P4HA1: variants seen among roughly 807,000 people sequenced by gnomAD.
The protein encoded by P4HA1 is prolyl 4-hydroxylase subunit alpha 1, also known as prolyl 4-hydroxylase subunit alpha-1.
In P4HA1, 24 loss-of-function variants were observed where a neutral mutation model predicts 72.8. The observed-to-expected ratio is 0.33, with a 90% confidence interval of 0.24 to 0.46. The LOEUF (loss-of-function observed/expected upper bound fraction) is 0.46. P4HA1 is among the 20% of genes least tolerant of loss of function. P4HA1 has a pLI of 1.00. For missense variants in P4HA1, 446 were observed against 640.6 expected (o/e 0.70, Z 3.28); for synonymous variants, 201 against 218.8 (o/e 0.92, Z 0.72).
At chr10:73,008,472 C>G (rs1248300852) in intron 14 of P4HA1, among the ~76,000 whole-genome samples, 180 bp from the exon 15 acceptor site, 1 of 152,146 alleles carries the variant, frequency 6.6e-6, no homozygotes, top group Non-Finnish European at 1.5e-5. Flanking sequence ...ATTTTATATA[C>G]CTATATACAT....
At chr10:73,067,571 A>G (rs1316288815) in intron 5 of P4HA1, among the ~76,000 whole-genome samples, 2 of 152,198 alleles carry the variant, frequency 1.3e-5, no homozygotes, top group East Asian at 1.9e-4. Flanking sequence ...TGAACTCTAC[A>G]TTAAGCCATA....
At chr10:73,059,807 G>A (rs1438830764) in intron 5 of P4HA1, among the ~76,000 whole-genome samples, 1 of 151,678 alleles carries the variant, frequency 6.6e-6, no homozygotes, top group African/African-American at 2.4e-5. Context: ...CAGGTATGGT[G>A]GTACTTGCAT....
chr10:73,024,713 G>T (rs899225247), intron 10 of P4HA1, among the ~76,000 whole-genome samples: 3 of 152,044 alleles, frequency 2.0e-5, no homozygotes, highest in Non-Finnish European at 4.4e-5. Context: ...CTGGTTTTTT[G>T]AAAAGATCAA....
chr10:73,088,366 G>A (rs973163607), intron 1 of P4HA1, among the ~76,000 whole-genome samples: 3 of 152,114 alleles, frequency 2.0e-5, no homozygotes, highest in African/African-American at 7.2e-5. Flanking sequence ...CCCTCCCTTG[G>A]TATTGGTGTA....
At chr10:73,096,237 C>T (rs567041434) in intron 1 of P4HA1, among the ~76,000 whole-genome samples, 2 of 152,320 alleles carry the variant, frequency 1.3e-5, no homozygotes, top group East Asian at 3.9e-4. Flanking sequence ...GGAGGTCCCC[C>T]CAGCTCCCGG....
rs546188924 is a variant in P4HA1, at chr10:73,034,021, GCAAC to G, written c.1149-3655_1149-3652del. Among the ~76,000 whole-genome samples, 67 of 152,134 alleles carry G rather than the reference GCAAC, an allele frequency of 4.4e-4. 1 individual carries two copies. Among genetic ancestry groups the G allele is most frequent in the African/African-American group, 1.3e-3 (56 of 41,496 alleles). ...TCACTTGAGTTCAAGACCAGTCTCG[GCAAC>G]CTAGCAAGACCCTGTCTCCACAAAA... is the stretch of plus-strand genomic sequence containing the variant. On this transcript the variant is annotated intron_variant, in intron 9 of 14. Transcript: ENST00000394890.
chr10:73,019,260 CAG>C (rs1474095076), intron 10 of P4HA1, among the ~76,000 whole-genome samples: 9 of 152,138 alleles, frequency 5.9e-5, no homozygotes, highest in Non-Finnish European at 7.4e-5. Flanking sequence ...TACCTGGAAA[CAG>C]AGTCACCACA....
At chr10:73,078,007 G>A (rs1385573929) in intron 1 of P4HA1, among the ~76,000 whole-genome samples, 2 of 86,262 alleles carry the variant, frequency 2.3e-5, no homozygotes, top group Admixed American at 1.2e-4. Context: ...AAAAAAGAGA[G>A]AAAGAAAACA....
chr10:73,022,860 G>A (rs1191766224), intron 10 of P4HA1, among the ~76,000 whole-genome samples: 3 of 152,186 alleles, frequency 2.0e-5, no homozygotes, highest in African/African-American at 7.2e-5. Context: ...ACAAGCTTCG[G>A]TAGCCGATTT....
At chr10:73,048,075 CAAGT>C (rs988786234) in intron 7 of P4HA1, among the ~76,000 whole-genome samples, 1 of 151,956 alleles carries the variant, frequency 6.6e-6, no homozygotes, top group African/African-American at 2.4e-5. Context: ...AAAACAAAAA[CAAGT>C]ATGTCACATA....
At chr10:73,018,436 C>T (rs552587342) in intron 10 of P4HA1, among the ~76,000 whole-genome samples, 77 of 152,288 alleles carry the variant, frequency 5.1e-4, no homozygotes, top group African/African-American at 1.7e-3. Flanking sequence ...GGAGAGTCTG[C>T]GCTGCTGAGA....
chr10:73,028,211 G>T (rs957486518), intron 10 of P4HA1, among the ~76,000 whole-genome samples: 1 of 148,158 alleles, frequency 6.7e-6, no homozygotes, highest in South Asian at 2.2e-4. Context: ...ATAAATAAAA[G>T]CTTTCATAAT....
intron 10 of P4HA1, among the ~76,000 whole-genome samples, chr10:73,021,515 T>C (rs1392775014): frequency 1.3e-5 from 2 of 152,222 alleles, no homozygotes; most frequent in Non-Finnish European, 1.5e-5. Context: ...ATCACATGGA[T>C]GGAACTGGAG....
chr10:73,026,051 A>G (rs912328453), intron 10 of P4HA1, among the ~76,000 whole-genome samples: 10 of 152,208 alleles, frequency 6.6e-5, no homozygotes, highest in Admixed American at 1.3e-4. Flanking sequence ...TACAGATTCA[A>G]TGCCATCCCC....
intron 7 of P4HA1, among the ~76,000 whole-genome samples, chr10:73,049,896 G>GC (rs1222565739): frequency 6.6e-6 from 1 of 152,180 alleles, no homozygotes; most frequent in Non-Finnish European, 1.5e-5. Flanking sequence ...GAGTGTGGTG[G>GC]CTGACGCCTG....
intron 4 of P4HA1, among the ~76,000 whole-genome samples, chr10:73,069,943 G>C (rs1841513638): frequency 6.6e-6 from 1 of 151,420 alleles, no homozygotes; most frequent in Non-Finnish European, 1.5e-5. Flanking sequence ...CCCAGTAGCT[G>C]GGATTACAGG....
At chr10:73,058,664 A>G (rs1263346730) in intron 5 of P4HA1, among the ~76,000 whole-genome samples, 2 of 152,182 alleles carry the variant, frequency 1.3e-5, no homozygotes, top group Non-Finnish European at 2.9e-5. Context: ...CACAAAATAG[A>G]GTAATAACAC....
At chr10:73,049,926 G>T (rs1369096017) in intron 7 of P4HA1, among the ~76,000 whole-genome samples, 1 of 152,150 alleles carries the variant, frequency 6.6e-6, no homozygotes, top group South Asian at 2.1e-4. Flanking sequence ...CACTTTAGGA[G>T]GCCGAGGCGG....
chr10:73,058,178 C>T (rs1275764605), intron 5 of P4HA1, among the ~76,000 whole-genome samples: 1 of 147,670 alleles, frequency 6.8e-6, no homozygotes, highest in Admixed American at 6.8e-5. Context: ...AGGGGATGGT[C>T]ATGGGACGCG....
Sources: gnomAD v4.1 joint callset for allele counts (sites outside exome capture counted in the v4.1 genomes callset) on GRCh38, gnomAD v4.1.1 for gene constraint, MANE v1.5 for transcripts, NCBI Gene and HGNC (gene_info 2026-07-23, HGNC 2026-07-21) for gene names.